PRKCA: variants seen among roughly 807,000 people sequenced by gnomAD.
PRKCA encodes the protein protein kinase C alpha type.
PRKCA carries 27 observed loss-of-function variants against 87.0 expected under a neutral mutation model. The observed-to-expected ratio is 0.31, with a 90% CI of 0.23 to 0.43. The LOEUF (loss-of-function observed/expected upper bound fraction) is 0.43. PRKCA is among the 20% of genes least tolerant of loss of function. The pLI is 1.00. For synonymous variants in PRKCA, 329 were observed against 311.1 expected, an observed-to-expected ratio of 1.06 and a Z score of -0.61; for missense variants, 518 against 852.3, an observed-to-expected ratio of 0.61 and a Z score of 4.88.
At chr17:66,527,471 G>A (rs1265732091) in intron 3 of PRKCA, among the ~76,000 whole-genome samples, 1 of 152,184 alleles carries the variant, frequency 6.6e-6, no homozygotes, top group Non-Finnish European at 1.5e-5. Context: ...GGCTCTGCGG[G>A]TCATTCATGA....
At position 66,708,393 on chromosome 17, in the gene PRKCA, G is replaced by A. The variant is rs377037492; in HGVS notation, c.918+19346G>A. Reference sequence around the variant, plus strand: ...ATGTGTAGAGCAAGAGGTGCTGTGCGTATCTGGGCTGGGTCACTTCAGCCT... The same window carrying A: ...ATGTGTAGAGCAAGAGGTGCTGTGCATATCTGGGCTGGGTCACTTCAGCCT... On this transcript the variant is annotated intron_variant, in intron 8 of 16. Transcript: ENST00000413366. 7.1e-4 allele frequency among the ~76,000 whole-genome samples: 107 copies of A among 151,198 alleles called. 2 individuals carry two copies. The South Asian group carries it at 0.022, about 30-fold the overall frequency.
At chr17:66,701,414 C>T (rs979409515) in intron 8 of PRKCA, among the ~76,000 whole-genome samples, 1 of 151,954 alleles carries the variant, frequency 6.6e-6, no homozygotes, top group African/African-American at 2.4e-5. Context: ...GGATATGACA[C>T]CAAAAGCACT....
chr17:66,584,573 G>A (rs227910), intron 3 of PRKCA, among the ~76,000 whole-genome samples: 2,582 of 152,152 alleles, frequency 0.017, 30 homozygotes, highest in Middle Eastern at 0.058. Context: ...TACAGTTCAG[G>A]AGCCCAGAAG....
At chr17:66,438,185 CT>C (rs1382691584) in intron 2 of PRKCA, among the ~76,000 whole-genome samples, 1 of 152,128 alleles carries the variant, frequency 6.6e-6, no homozygotes, top group Admixed American at 6.5e-5. Flanking sequence ...TGAGAAAGAC[CT>C]GCAGGATTAA....
At chr17:66,367,434 AT>A (rs1908802361) in intron 2 of PRKCA, among the ~76,000 whole-genome samples, 1 of 152,252 alleles carries the variant, frequency 6.6e-6, no homozygotes, top group Non-Finnish European at 1.5e-5. Context: ...TGAGAGAGGT[AT>A]CCAGGAAAAG....
intron 2 of PRKCA, among the ~76,000 whole-genome samples, chr17:66,329,212 A>G (rs944574049): frequency 3.9e-5 from 6 of 152,314 alleles, no homozygotes; most frequent in African/African-American, 1.4e-4. Context: ...ATTTGGAGGT[A>G]GAAGGGAGAG....
chr17:66,699,850 G>A (rs1434656626), intron 8 of PRKCA, among the ~76,000 whole-genome samples: 4 of 152,130 alleles, frequency 2.6e-5, no homozygotes, highest in Non-Finnish European at 5.9e-5. Flanking sequence ...CCCTTTGCTG[G>A]GCCACTGTGC....
chr17:66,736,566 C>T (rs965673530), intron 10 of PRKCA, among the ~76,000 whole-genome samples: 1 of 152,132 alleles, frequency 6.6e-6, no homozygotes, highest in African/African-American at 2.4e-5. Flanking sequence ...GCATGAGCCA[C>T]CGCACCTGGC....
intron 3 of PRKCA, among the ~76,000 whole-genome samples, chr17:66,519,558 A>G (rs999949571): frequency 6.6e-6 from 1 of 152,096 alleles, no homozygotes; most frequent in Non-Finnish European, 1.5e-5. Flanking sequence ...CTCACCTTTC[A>G]ATTGGTGATT....
intron 8 of PRKCA, among the ~76,000 whole-genome samples, chr17:66,703,136 T>G (rs945602175): frequency 6.6e-6 from 1 of 152,166 alleles, no homozygotes; most frequent in Non-Finnish European, 1.5e-5. Context: ...AGTAATAACC[T>G]TAGCCTACAG....
At chr17:66,359,287 C>G (rs1306466594) in intron 2 of PRKCA, among the ~76,000 whole-genome samples, 1 of 152,090 alleles carries the variant, frequency 6.6e-6, no homozygotes, top group African/African-American at 2.4e-5. Flanking sequence ...ACACGCGTCA[C>G]TTTAATTCTT....
At chr17:66,627,627 C>T (rs1238839451) in intron 3 of PRKCA, among the ~76,000 whole-genome samples, 1 of 152,188 alleles carries the variant, frequency 6.6e-6, no homozygotes, top group Non-Finnish European at 1.5e-5. Flanking sequence ...GTGTAAGTGT[C>T]TTTTACCCAG....
intron 2 of PRKCA, among the ~76,000 whole-genome samples, chr17:66,385,627 C>T (rs1010364133): frequency 1.1e-4 from 16 of 152,106 alleles, no homozygotes; most frequent in African/African-American, 3.6e-4. Context: ...TTTGAGAGGC[C>T]GTGGCCAGAG....
At position 66,480,688 on chromosome 17, in the gene PRKCA, C is replaced by T. The variant is rs928533235; in HGVS notation, c.206-15513C>T. Among the ~76,000 whole-genome samples the T allele has an allele frequency of 7.2e-5, 11 of 152,020 alleles. 1 individual carries two copies. Among genetic ancestry groups the T allele is most frequent in the Admixed American group, 6.6e-4 (10 of 15,250 alleles). ...TTCTGTTCTGAGACTGTTCTATGGC[C>T]ATTCCACCATTGATTGAAACCAAAG... On this transcript the variant is annotated intron_variant, in intron 2 of 16. Coordinates refer to ENST00000413366, the MANE Select transcript of PRKCA (RefSeq NM_002737.3).
In PRKCA at chr17:66,423,627, C is replaced by A. The variant is rs8068538; in HGVS notation, c.206-72574C>A. Among the ~76,000 whole-genome samples, 1,455 of 152,266 alleles carry A rather than the reference C, an allele frequency of 9.6e-3. 28 individuals carry two copies. The highest frequency in any genetic ancestry group is 0.034 in the African/African-American group (1,396 of 41,544). ...GCTTTAAAGCTGGCTGTTACTGAAG[C>A]CTTTAATGCATACTGTTTTTCTTCC... is the stretch of plus-strand genomic sequence containing the variant. On this transcript the variant is annotated intron_variant, in intron 2 of 16. Transcript: ENST00000413366.
chr17:66,580,207 T>C (rs9909348), intron 3 of PRKCA, among the ~76,000 whole-genome samples: 90,967 of 152,108 alleles, frequency 0.6, 28,603 homozygotes, highest in African/African-American at 0.8. Flanking sequence ...CATGGAGTAC[T>C]AGTGGTCTGT....
chr17:66,617,254 C>T (rs754974318), intron 3 of PRKCA, among the ~76,000 whole-genome samples: 15 of 152,066 alleles, frequency 9.9e-5, no homozygotes, highest in Non-Finnish European at 2.1e-4. Flanking sequence ...TGACCTACCT[C>T]GGTATGGGCT....
chr17:66,737,135 G>A (rs557371741), intron 10 of PRKCA, among the ~76,000 whole-genome samples: 6 of 150,848 alleles, frequency 4.0e-5, no homozygotes, highest in South Asian at 4.2e-4. Flanking sequence ...GGCAGATCAC[G>A]AGATCAGGAG....
At chr17:66,648,879 G>A (rs1598843799) in intron 5 of PRKCA, among the ~76,000 whole-genome samples, 1 of 152,118 alleles carries the variant, frequency 6.6e-6, no homozygotes, top group African/African-American at 2.4e-5. Context: ...GATCGCTTGA[G>A]GTCAGGAGCT....
Sources: allele counts gnomAD v4.1 joint callset (sites outside exome capture counted in the v4.1 genomes callset), GRCh38; gene constraint gnomAD v4.1.1; transcripts MANE v1.5; gene names NCBI Gene and HGNC (gene_info 2026-07-23, HGNC 2026-07-21).